Variants in ARFGEF2 observed in about 807,000 individuals in gnomAD.
The protein encoded by ARFGEF2 is brefeldin A-inhibited guanine nucleotide-exchange protein 2.
In ARFGEF2, 74 loss-of-function variants were observed where a neutral mutation model predicts 219.9. The observed-to-expected ratio is 0.34, with a 90% confidence interval of 0.28 to 0.41. The LOEUF is 0.41. Among genes scored for constraint, ARFGEF2 ranks in the 10% least tolerant of loss-of-function variants. The pLI, the probability that ARFGEF2 is intolerant of heterozygous loss-of-function variation, is 1.00. For missense variants in ARFGEF2, 1,743 were observed against 2,218.3 expected, an observed-to-expected ratio of 0.79 and a Z score of 4.30; for synonymous variants, 733 against 799.2, an observed-to-expected ratio of 0.92 and a Z score of 1.40.
At chr20:48,947,570 T>G (rs2091036070) in intron 3 of ARFGEF2, among the ~76,000 whole-genome samples, 1 of 150,740 alleles carries the variant, frequency 6.6e-6, no homozygotes, top group African/African-American at 2.4e-5. Flanking sequence ...GTTATTAAAG[T>G]ATATATATGG....
rs3764683 is a variant in ARFGEF2, at chr20:48,969,105, T to C, written c.1060-42T>C. ...CCTCTGGAGTAGCTGGGACTACAGG[T>C]GGGTGCCACCACACCCAGCTGATGT... On this transcript the variant is annotated intron_variant, in intron 8 of 38. Transcript: ENST00000371917. 0.29 allele frequency: 466,729 copies of C among 1,603,704 alleles called. 70,379 individuals carry two copies. The highest frequency in any genetic ancestry group is 0.45 in the East Asian group (20,168 of 44,506).
intron 16 of ARFGEF2, among the ~76,000 whole-genome samples, 170 bp from the exon 17 acceptor site, chr20:48,988,134 C>T (rs2091336801): frequency 6.6e-6 from 1 of 152,172 alleles, no homozygotes; most frequent in African/African-American, 2.4e-5. Flanking sequence ...TTTTTCTACA[C>T]TCTGGGTTGC....
At position 49,018,902 on chromosome 20, in the gene ARFGEF2, C is replaced by T; in HGVS notation, c.4528C>T (p.Gln1510Ter). ...CATTTAGGATGTGGATCTGGACCGC[C>T]AGTCTTTAAGCAGCATAGATAAAAA... ...EKHLDVDLDR[Q>*]SLSSIDKNPS... Residue 1510 changes from glutamine to a stop codon, truncating the protein, a stop_gained, in exon 34 of 39, where the codon CAG becomes TAG. Coordinates refer to ENST00000371917, the MANE Select transcript of ARFGEF2 (RefSeq NM_006420.3). LOFTEE classifies it high-confidence loss of function. The T allele has an allele frequency of 6.2e-7, 1 of 1,613,936 alleles. No homozygotes were observed. The highest frequency in any genetic ancestry group is 8.5e-7 in the Non-Finnish European group (1 of 1,179,874).
intron 34 of ARFGEF2, among the ~76,000 whole-genome samples, chr20:49,019,609 T>G (rs1218283651): frequency 6.6e-6 from 1 of 152,234 alleles, no homozygotes; most frequent in African/African-American, 2.4e-5. Flanking sequence ...CTGGAGTCAG[T>G]GGATAAGTGA....
chr20:48,941,612 T>C (rs1023833992), intron 2 of ARFGEF2, among the ~76,000 whole-genome samples: 1 of 152,202 alleles, frequency 6.6e-6, no homozygotes, highest in African/African-American at 2.4e-5. Flanking sequence ...TTCAGAGATA[T>C]AGCTCTGGCG....
intron 1 of ARFGEF2, among the ~76,000 whole-genome samples, chr20:48,937,940 C>T (rs2123305039): frequency 6.6e-6 from 1 of 152,288 alleles, no homozygotes; most frequent in East Asian, 1.9e-4. Flanking sequence ...TGTTTTGAAC[C>T]GTGGTTGTAG....
Position 49,034,403 on chromosome 20 carries a change from C to G in ARFGEF2, c.*1204C>G, listed in dbSNP as rs2091654785. ...TTATTATGTTAATGATGGTGCAATA[C>G]TCTCACCTGCAGTAGAACTGAGTTC... On this transcript the variant is annotated 3_prime_UTR_variant, in exon 39 of 39. Transcript: ENST00000371917. 1 of 152,194 alleles carries G rather than the reference C, an allele frequency of 6.6e-6. No homozygotes were observed. The highest frequency in any genetic ancestry group is 2.1e-4 in the South Asian group (1 of 4,824). The allele number at this position is 152,194 out of a possible 1,614,324, so 9.4% of individuals were successfully genotyped here.
chr20:49,009,466 T>C (rs551421235), intron 26 of ARFGEF2, among the ~76,000 whole-genome samples: 114 of 151,448 alleles, frequency 7.5e-4, no homozygotes, highest in African/African-American at 2.5e-3. Context: ...AAAAAAAAAA[T>C]TGAAAGTCAA....
chr20:48,981,737 T>G (rs1292996906), intron 14 of ARFGEF2, among the ~76,000 whole-genome samples: 2 of 152,214 alleles, frequency 1.3e-5, no homozygotes, highest in Non-Finnish European at 2.9e-5. Context: ...AATTTGATCT[T>G]CAGTCACTGA....
rs749789512 is a variant in ARFGEF2, at chr20:48,988,547, T to C, written c.2418T>C (p.Asp806=). The C allele has an allele frequency of 6.2e-7, 1 of 1,613,700 alleles. No homozygotes were observed. The highest frequency in any genetic ancestry group is 2.2e-5 in the East Asian group (1 of 44,816). ...QYIKMNRGIN[D]SKDLPEEYLS... The stretch of plus-strand genomic sequence containing the variant: ...TTAAAATGAATCGGGGTATCAATGA[T>C]AGTAAAGATCTGCCAGAAGAGTATC... The change falls in exon 18 of 39, where the codon GAT becomes GAC. Residue 806 remains aspartate (D), a synonymous_variant. Transcript: ENST00000371917.
chr20:48,986,087 A>G (rs2091325049), intron 16 of ARFGEF2, among the ~76,000 whole-genome samples: 1 of 152,172 alleles, frequency 6.6e-6, no homozygotes, highest in Non-Finnish European at 1.5e-5. Context: ...ACCTTTTTTG[A>G]TGGGCGGTTC....
chr20:48,935,671 C>T (rs1365540342), intron 1 of ARFGEF2, among the ~76,000 whole-genome samples: 2 of 151,390 alleles, frequency 1.3e-5, no homozygotes, highest in Non-Finnish European at 3.0e-5. Flanking sequence ...TAGGGGCGGC[C>T]GGGCAGAGGC....
At chr20:48,989,168 C>T (rs1389457863) in intron 18 of ARFGEF2, 117 bp from the exon 19 acceptor site, 6 of 1,165,936 alleles carry the variant, frequency 5.1e-6, no homozygotes, top group Non-Finnish European at 6.3e-6. Context: ...GTAATGGACT[C>T]ACGAGATGGT....
chr20:48,924,531 AAG>A (rs1278757939), intron 1 of ARFGEF2, among the ~76,000 whole-genome samples: 2 of 151,458 alleles, frequency 1.3e-5, no homozygotes, highest in African/African-American at 4.8e-5. Flanking sequence ...AAAAAAAAAA[AAG>A]GCTGAAACGA....
At chr20:49,026,197 C>A (rs1422293737) in intron 36 of ARFGEF2, among the ~76,000 whole-genome samples, 5 of 151,930 alleles carry the variant, frequency 3.3e-5, no homozygotes, top group Non-Finnish European at 7.4e-5. Context: ...TGAAAATTAG[C>A]TGGGCATTGT....
intron 34 of ARFGEF2, among the ~76,000 whole-genome samples, chr20:49,020,245 A>G (rs954874800): frequency 6.6e-6 from 1 of 152,242 alleles, no homozygotes; most frequent in African/African-American, 2.4e-5. Flanking sequence ...ATGCTAGGCC[A>G]TAGCTGTTAA....
chr20:48,964,271 G>A (rs1446974950), intron 7 of ARFGEF2, among the ~76,000 whole-genome samples: 1 of 152,184 alleles, frequency 6.6e-6, no homozygotes, highest in Non-Finnish European at 1.5e-5. Flanking sequence ...CGGGCGTGGT[G>A]GCGCACGCCT....
At chr20:48,952,653 C>T (rs1360343813) in intron 4 of ARFGEF2, 52 bp from the exon 5 acceptor site, 6 of 1,579,424 alleles carry the variant, frequency 3.8e-6, no homozygotes, top group African/African-American at 1.3e-5. Context: ...CATAGGAGGG[C>T]AGGAAGGTGA....
At position 48,963,756 on chromosome 20, in the gene ARFGEF2, T is replaced by G. The variant is rs2091169204; in HGVS notation, c.839-74T>G. ...CCTTCTGAAATGTAACTCCCCATAA[T>G]CTCCTTTTCCTCTCTTCCTTTGTTT... On this transcript the variant is annotated intron_variant, in intron 6 of 38. Coordinates refer to ENST00000371917, the MANE Select transcript of ARFGEF2 (RefSeq NM_006420.3). 2.7e-6 allele frequency: 4 copies of G among 1,455,610 alleles called. No individual in the cohort carries two copies. The Admixed American group carries it at 7.0e-5, about 25-fold the overall frequency. The allele number at this position is 1,455,610 out of a possible 1,614,324, so 90.2% of individuals were successfully genotyped here.
Sources: gnomAD v4.1 joint callset for allele counts (sites outside exome capture counted in the v4.1 genomes callset) on GRCh38, gnomAD v4.1.1 for gene constraint, MANE v1.5 for transcripts, NCBI Gene and HGNC (gene_info 2026-07-23, HGNC 2026-07-21) for gene names.